Variants in CEP164 observed in about 807,000 individuals in gnomAD.
The protein encoded by CEP164 is centrosomal protein of 164 kDa.
Under a neutral mutation model 182.7 loss-of-function variants are expected in CEP164, and 162 were observed. The observed-to-expected ratio is 0.89, with a 90% CI of 0.78 to 1.01. The LOEUF (loss-of-function observed/expected upper bound fraction) is 1.01, where lower values mean the gene tolerates loss of function less well. CEP164 is among the 50% of genes least tolerant of loss of function. The pLI, the probability that CEP164 is intolerant of heterozygous loss-of-function variation, is 0.00. For missense variants in CEP164, 1,735 were observed against 1,790.4 expected (o/e 0.97, Z 0.56); for synonymous variants, 661 against 690.0 (o/e 0.96, Z 0.66).
In CEP164 at chr11:117,409,254, T is replaced by C; in HGVS notation, c.3748+226T>C. 1.6e-6 allele frequency: 1 copy of C among 623,258 alleles called. No homozygotes were observed. Among genetic ancestry groups the C allele is most frequent in the Non-Finnish European group, 2.8e-6 (1 of 361,280 alleles). 38.6% of individuals were successfully genotyped at this position (623,258 alleles called of 1,614,324 possible). On this transcript the variant is annotated intron_variant, in intron 29 of 32. Coordinates refer to ENST00000278935, the MANE Select transcript of CEP164 (RefSeq NM_014956.5). The surrounding 1 kb of genome is among the most constrained non-coding windows in gnomAD (Gnocchi z 4.4). ...GCCCTCTGAATGCTGCAGAGCACTC[T>C]ACGGTGTGACCACTGGCCTTGCTGG...
chr11:117,387,420 C>G lies in CEP164; in HGVS notation c.1934+8C>G. On this transcript the variant is annotated splice_region_variant and intron_variant, in intron 15 of 32. Transcript: ENST00000278935. Reference sequence around the variant, plus strand: ...GAAAGAGCAATCTCTCAGGTCCTGCCCTTCCCCTTAGGCATGCTTCCTGGG... The same window carrying G: ...GAAAGAGCAATCTCTCAGGTCCTGCGCTTCCCCTTAGGCATGCTTCCTGGG... 1.2e-6 allele frequency: 2 copies of G among 1,613,704 alleles called. No individual in the cohort carries two copies. The highest frequency in any genetic ancestry group is 2.2e-5 in the East Asian group (1 of 44,882).
intron 15 of CEP164, among the ~76,000 whole-genome samples, chr11:117,388,700 C>T (rs942224649): frequency 2.0e-5 from 3 of 152,070 alleles, no homozygotes; most frequent in Admixed American, 6.6e-5. Context: ...TAAAATTTAG[C>T]CATAGGACAA....
At chr11:117,407,549 A>T (rs1187560855) in intron 27 of CEP164, among the ~76,000 whole-genome samples, 1 of 150,224 alleles carries the variant, frequency 6.7e-6, no homozygotes, top group Non-Finnish European at 1.5e-5. Context: ...GCTACTTGGG[A>T]GGCTGAGGTG....
At chr11:117,407,241 C>T (rs368366209) in intron 27 of CEP164, among the ~76,000 whole-genome samples, 24 of 152,224 alleles carry the variant, frequency 1.6e-4, no homozygotes, top group African/African-American at 5.5e-4. Context: ...GGGTTATATA[C>T]ATGCTGCCCA....
At chr11:117,408,710 A>G (rs911974685) in intron 28 of CEP164, 180 bp from the exon 29 acceptor site, 1 of 772,490 alleles carries the variant, frequency 1.3e-6, no homozygotes, top group Admixed American at 2.9e-5. Context: ...GTAGCAACAA[A>G]ATTGCTAGGA....
chr11:117,325,884 TAGAGGCTGGGCA>T (rs2035410321), upstream of CEP164, among the ~76,000 whole-genome samples: 1 of 150,630 alleles, frequency 6.6e-6, no homozygotes, highest in Non-Finnish European at 1.5e-5. Context: ...ACACATGCCA[TAGAGGCTGGGCA>T]AGTAGGACCT....
At chr11:117,376,525 G>A (rs769875272) in intron 11 of CEP164, among the ~76,000 whole-genome samples, 5 of 152,242 alleles carry the variant, frequency 3.3e-5, no homozygotes, top group Admixed American at 6.5e-5. Context: ...CTCTGCAAGT[G>A]TAAGGGAACA....
At position 117,409,840 on chromosome 11, in the gene CEP164, T is replaced by C; in HGVS notation, c.3971T>C (p.Leu1324Ser). Residue 1324 changes from leucine (L) to serine (S), a missense_variant, in exon 30 of 33, where the codon TTA (leucine) becomes TCA (serine). By Grantham distance (145) the Leu-to-Ser change is moderately radical. Coordinates refer to ENST00000278935, the MANE Select transcript of CEP164 (RefSeq NM_014956.5). This position sits in a 1 kb window ranked among gnomAD's most constrained non-coding sequence, Gnocchi z 4.4. ...GGCTCCCTGGCCAGGTTCTCAGCCTTATCATCTGCTACACCCACGTCCACC... is the reference window on the plus strand; with the variant it reads ...GGCTCCCTGGCCAGGTTCTCAGCCTCATCATCTGCTACACCCACGTCCACC... The part of the protein sequence containing the change: ...YYGSLARFSA[L>S]SSATPTSTQW... 1 of 1,585,668 alleles carries C rather than the reference T, an allele frequency of 6.3e-7. No homozygotes were observed. The highest frequency in any genetic ancestry group is 8.6e-7 in the Non-Finnish European group (1 of 1,162,994).
intron 5 of CEP164, chr11:117,355,690 C>T (rs763109752): frequency 4.2e-6 from 5 of 1,186,958 alleles, no homozygotes; most frequent in African/African-American, 1.6e-5. Flanking sequence ...GCATAGGCAG[C>T]GGGAGGAGGA....
intron 4 of CEP164, among the ~76,000 whole-genome samples, chr11:117,348,742 A>G (rs1229017257): frequency 6.6e-6 from 1 of 152,180 alleles, no homozygotes; most frequent in African/African-American, 2.4e-5. Context: ...CCATCTCCAG[A>G]ATGTTTTCAT....
At chr11:117,330,339 G>T (rs2036006821) in intron 1 of CEP164, among the ~76,000 whole-genome samples, 1 of 152,222 alleles carries the variant, frequency 6.6e-6, no homozygotes, top group Non-Finnish European at 1.5e-5. Context: ...GTCGCACAAT[G>T]TCTGGCCCAT....
intron 3 of CEP164, among the ~76,000 whole-genome samples, chr11:117,342,850 T>G (rs1437895668): frequency 1.3e-5 from 2 of 152,110 alleles, no homozygotes; most frequent in African/African-American, 4.8e-5. Flanking sequence ...TTGAAATTCT[T>G]GATTTCCAGA....
chr11:117,395,958 A>G, intron 24 of CEP164, 96 bp from the exon 25 acceptor site: 1 of 1,536,072 alleles, frequency 6.5e-7, no homozygotes, highest in Non-Finnish European at 8.9e-7. Flanking sequence ...ACTTTGACGG[A>G]TGGGAGTGAG....
intron 27 of CEP164, among the ~76,000 whole-genome samples, chr11:117,399,136 G>C (rs1458827862): frequency 6.6e-6 from 1 of 151,840 alleles, no homozygotes; most frequent in Non-Finnish European, 1.5e-5. Context: ...CCCTCCCCTA[G>C]CCCCCAACCC....
rs572663969 is a variant in CEP164, at chr11:117,380,396, G to A, written c.1318-218G>A. ...TGGTCTTCTGCCACATCTTCCCCAG[G>A]CCTCAAGGCTGACCCAGGGAGCAGC... On this transcript the variant is annotated intron_variant, in intron 11 of 32. Coordinates refer to ENST00000278935, the MANE Select transcript of CEP164 (RefSeq NM_014956.5). 2.0e-5 allele frequency among the ~76,000 whole-genome samples: 3 copies of A among 152,234 alleles called. No individual in the cohort carries two copies. In the East Asian group the frequency reaches 5.8e-4, roughly 29 times the overall value.
intron 5 of CEP164, chr11:117,355,717 A>T (rs2040223657): frequency 1.7e-6 from 2 of 1,181,754 alleles, no homozygotes; most frequent in Admixed American, 3.7e-5. Context: ...AACCTCCTGG[A>T]CTGTGGATGG....
At chr11:117,392,730 G>A (rs2044833221) in intron 19 of CEP164, 103 bp downstream of exon 19, 3 of 1,475,582 alleles carry the variant, frequency 2.0e-6, no homozygotes, top group Non-Finnish European at 2.8e-6. Flanking sequence ...TGCTTTGGAT[G>A]GCTCAGCTGG....
rs535886107 is a variant in CEP164 at position 117,376,191 on chromosome 11, C to T, written c.1317+400C>T. 1.2e-4 allele frequency among the ~76,000 whole-genome samples: 18 copies of T among 152,354 alleles called. No individual in the cohort carries two copies. The East Asian group carries it at 1.5e-3, about 13-fold the overall frequency. ...CTATTGCTGGGGCACACTCCACCTCCGCCACGCCTCTGCCTGCCACTCTGC... is the reference window on the plus strand; with the variant it reads ...CTATTGCTGGGGCACACTCCACCTCTGCCACGCCTCTGCCTGCCACTCTGC... On this transcript the variant is annotated intron_variant, in intron 11 of 32. Coordinates refer to ENST00000278935, the MANE Select transcript of CEP164 (RefSeq NM_014956.5).
intron 1 of CEP164, among the ~76,000 whole-genome samples, chr11:117,322,227 G>A (rs1050988350): frequency 6.6e-6 from 1 of 151,000 alleles, no homozygotes; most frequent in East Asian, 2.0e-4. Flanking sequence ...GGGATTCTCC[G>A]GCCTCAGCCT....
Sources: allele counts gnomAD v4.1 joint callset (sites outside exome capture counted in the v4.1 genomes callset), GRCh38; gene constraint gnomAD v4.1.1; non-coding constraint Gnocchi (gnomAD v3.1); transcripts MANE v1.5; gene names NCBI Gene and HGNC (gene_info 2026-07-23, HGNC 2026-07-21).